The following CLIP2 variants were observed in gnomAD, a reference collection of about 807,000 sequenced individuals.
CLIP2 encodes the protein CAP-Gly domain-containing linker protein 2.
Under a neutral mutation model 111.7 loss-of-function variants are expected in CLIP2, and 41 were observed. The ratio of observed to expected loss-of-function variants is 0.37; its 90% CI spans 0.29 to 0.48. The LOEUF (loss-of-function observed/expected upper bound fraction) is 0.48. CLIP2 is among the 20% of genes least tolerant of loss of function. The pLI is 0.99. For synonymous variants in CLIP2, 660 were observed against 644.2 expected (o/e 1.02, Z -0.37); for missense variants, 1,160 against 1,422.1 (o/e 0.82, Z 2.96).
intron 3 of CLIP2, among the ~76,000 whole-genome samples, chr7:74,350,196 C>T (rs1584350438): frequency 6.6e-6 from 1 of 151,988 alleles, no homozygotes; most frequent in South Asian, 2.1e-4. Flanking sequence ...GGATTATAGG[C>T]GCCCACCACC....
At chr7:74,351,283 G>A (rs1483650343) in intron 3 of CLIP2, among the ~76,000 whole-genome samples, 2 of 151,718 alleles carry the variant, frequency 1.3e-5, no homozygotes, top group South Asian at 4.2e-4. Context: ...GCAATGTGAC[G>A]AAACCCCATC....
chr7:74,335,811 C>T (rs1246230282), intron 2 of CLIP2, among the ~76,000 whole-genome samples: 2 of 150,398 alleles, frequency 1.3e-5, no homozygotes, highest in East Asian at 2.0e-4. Context: ...GACGCGATCT[C>T]GGCTCACTGC....
At chr7:74,391,684 G>A (rs1409143285) in intron 13 of CLIP2, among the ~76,000 whole-genome samples, 1 of 151,884 alleles carries the variant, frequency 6.6e-6, no homozygotes, top group Non-Finnish European at 1.5e-5. Context: ...GCCAGGCATG[G>A]TGGCACACAC....
At chr7:74,347,368 A>C (rs1789825047) in intron 3 of CLIP2, among the ~76,000 whole-genome samples, 1 of 152,124 alleles carries the variant, frequency 6.6e-6, no homozygotes, top group Non-Finnish European at 1.5e-5. Flanking sequence ...TCCCGGGTTC[A>C]CGCCATTCTC....
In CLIP2 at chr7:74,376,000, T is replaced by C. The variant is rs2116655397; in HGVS notation, c.1599T>C (p.Pro533=). 1 of 1,611,858 alleles carries C rather than the reference T, an allele frequency of 6.2e-7. No homozygotes were observed. Among genetic ancestry groups the C allele is most frequent in the Non-Finnish European group, 8.5e-7 (1 of 1,179,614 alleles). ...GCCTGTTGCACTCGGGTCCCCCACCTCCGGACCACCCAGACGCCGCCGAGA... is the reference window on the plus strand; with the variant it reads ...GCCTGTTGCACTCGGGTCCCCCACCCCCGGACCACCCAGACGCCGCCGAGA... ...QQCLLHSGPP[P]PDHPDAAEIL... is the part of the protein sequence containing the mutation. Residue 533 remains proline (P), a synonymous_variant, in exon 10 of 17, where the codon CCT becomes CCC. Transcript: ENST00000223398.
intron 2 of CLIP2, among the ~76,000 whole-genome samples, chr7:74,327,323 G>A (rs577210195): frequency 3.3e-5 from 5 of 152,084 alleles, no homozygotes; most frequent in South Asian, 4.2e-4. Context: ...GGCTGGTCTC[G>A]AACTCCTGAT....
At chr7:74,348,411 G>A (rs373930536) in intron 3 of CLIP2, among the ~76,000 whole-genome samples, 1 of 152,008 alleles carries the variant, frequency 6.6e-6, no homozygotes, top group Non-Finnish European at 1.5e-5. Flanking sequence ...ACCCCAGTGC[G>A]TTGGGAGGCT....
intron 9 of CLIP2, among the ~76,000 whole-genome samples, chr7:74,374,908 A>G (rs1054337932): frequency 1.3e-5 from 2 of 152,122 alleles, no homozygotes; most frequent in African/African-American, 4.8e-5. Flanking sequence ...TTGTTGAAAG[A>G]TGGGTCTGGG....
At chr7:74,395,451 C>G (rs1584392380) in intron 13 of CLIP2, among the ~76,000 whole-genome samples, 1 of 152,120 alleles carries the variant, frequency 6.6e-6, no homozygotes, top group South Asian at 2.1e-4. Flanking sequence ...GCTACCACAC[C>G]CAGCTAATTT....
chr7:74,404,042 G>T lies in CLIP2; in HGVS notation c.*194G>T, dbSNP rs1791698465. On this transcript the variant is annotated 3_prime_UTR_variant, in exon 17 of 17. Coordinates refer to ENST00000223398, the MANE Select transcript of CLIP2 (RefSeq NM_003388.5). ...AGACCAGGACGCTTCCTCAAGCCCA[G>T]CCTTCTACAGAGAGTGTGAACGGTA... 1.6e-6 allele frequency: 1 copy of T among 643,314 alleles called. No homozygotes were observed. Among genetic ancestry groups the T allele is most frequent in the Non-Finnish European group, 2.8e-6 (1 of 356,000 alleles). 39.9% of individuals were successfully genotyped at this position (643,314 alleles called of 1,614,324 possible).
chr7:74,336,885 G>T (rs372620579), intron 2 of CLIP2, among the ~76,000 whole-genome samples: 3,024 of 133,538 alleles, frequency 0.023, 59 homozygotes, highest in Non-Finnish European at 0.03. Flanking sequence ...GTTTTTTTTT[G>T]TTTTGTTTTT....
chr7:74,333,628 C>T (rs577480698), intron 2 of CLIP2, among the ~76,000 whole-genome samples: 62 of 152,108 alleles, frequency 4.1e-4, no homozygotes, highest in African/African-American at 1.4e-3. Context: ...ACTACAGGAG[C>T]GAGCCACCAT....
intron 3 of CLIP2, among the ~76,000 whole-genome samples, chr7:74,339,756 G>T (rs927178736): frequency 6.6e-6 from 1 of 152,052 alleles, no homozygotes; most frequent in Non-Finnish European, 1.5e-5. Context: ...CATGTGCCAG[G>T]CATGTACTGG....
At chr7:74,374,139 A>G (rs1475582745) in intron 9 of CLIP2, among the ~76,000 whole-genome samples, 1 of 152,182 alleles carries the variant, frequency 6.6e-6, no homozygotes, top group Non-Finnish European at 1.5e-5. Context: ...GCAGCAAGTG[A>G]TGACTGGAAA....
chr7:74,351,664 C>T (rs1554307592), intron 3 of CLIP2, among the ~76,000 whole-genome samples: 3 of 151,754 alleles, frequency 2.0e-5, no homozygotes, highest in Non-Finnish European at 2.9e-5. Context: ...GGCGAAACCC[C>T]GTCTCTACTA....
intron 3 of CLIP2, among the ~76,000 whole-genome samples, chr7:74,351,291 A>G (rs967639224): frequency 4.6e-5 from 7 of 151,322 alleles, no homozygotes; most frequent in African/African-American, 1.5e-4. Flanking sequence ...ACGAAACCCC[A>G]TCTCTACAAA....
In CLIP2 at chr7:74,375,276, C is replaced by T. The variant is rs550149972; in HGVS notation, c.1486-611C>T. Among the ~76,000 whole-genome samples, 1,464 of 151,238 alleles carry T rather than the reference C, an allele frequency of 9.7e-3. 14 individuals are homozygous for T. The highest frequency in any genetic ancestry group is 0.015 in the Non-Finnish European group (1,000 of 67,888). ...TTTTAAAAAAAAAAAAAATGCTGGGCGGTGGCTCATGCCTATAATCCCAAC... is the reference window on the plus strand; with the variant it reads ...TTTTAAAAAAAAAAAAAATGCTGGGTGGTGGCTCATGCCTATAATCCCAAC... On this transcript the variant is annotated intron_variant, in intron 9 of 16. Coordinates refer to ENST00000223398, the MANE Select transcript of CLIP2 (RefSeq NM_003388.5).
In CLIP2 at chr7:74,376,360, G is replaced by A. The variant is rs926787384; in HGVS notation, c.1959G>A (p.Met653Ile). The change falls in exon 10 of 17, where the codon ATG becomes ATA. Residue 653 changes from methionine (M) to isoleucine (I), a missense_variant. Around this residue, in one of 5 missense-constraint regions of CLIP2, gnomAD observed 676 missense variants for 777.8 expected, o/e 0.87. Coordinates refer to ENST00000223398, the MANE Select transcript of CLIP2 (RefSeq NM_003388.5). The surrounding 1 kb of genome is among the most constrained non-coding windows in gnomAD (Gnocchi z 7.1). ...QKEIGELKAV[M>I]EGIKMEHQLE... ...AGATCGGCGAGCTGAAGGCAGTGAT[G>A]GAGGGCATCAAGATGGAGCACCAGC... The A allele has an allele frequency of 6.2e-7, 1 of 1,614,044 alleles. No individual in the cohort carries two copies. The highest frequency in any genetic ancestry group is 8.5e-7 in the Non-Finnish European group (1 of 1,180,042).
At chr7:74,344,638 A>G (rs1789752260) in intron 3 of CLIP2, among the ~76,000 whole-genome samples, 1 of 152,184 alleles carries the variant, frequency 6.6e-6, no homozygotes, top group Admixed American at 6.6e-5. Context: ...CCTGGCCTCA[A>G]GCGATCCTCC....
Sources: gnomAD v4.1 joint callset for allele counts (sites outside exome capture counted in the v4.1 genomes callset) on GRCh38, gnomAD v4.1.1 for gene constraint, gnomAD v4.1.1 regional missense constraint, Gnocchi (gnomAD v3.1) non-coding constraint, MANE v1.5 for transcripts, NCBI Gene and HGNC (gene_info 2026-07-23, HGNC 2026-07-21) for gene names.